Variants in PMEPA1 observed in about 807,000 individuals in gnomAD.
The protein encoded by PMEPA1 is protein TMEPAI.
A neutral mutation model predicts 23.0 loss-of-function variants in PMEPA1; 11 were observed. That is an observed-to-expected ratio of 0.48 (90% CI 0.30 to 0.79). The LOEUF (loss-of-function observed/expected upper bound fraction) is 0.79. Among genes scored for constraint, PMEPA1 ranks in the 30% least tolerant of loss-of-function variants. PMEPA1 has a pLI of 0.06. For missense variants in PMEPA1, 377 were observed against 390.9 expected (o/e 0.96, Z 0.30); for synonymous variants, 204 against 166.4 (o/e 1.23, Z -1.74).
intron 2 of PMEPA1, among the ~76,000 whole-genome samples, chr20:57,654,341 T>C (rs1025167679): frequency 8.5e-5 from 13 of 152,184 alleles, no homozygotes; most frequent in African/African-American, 3.1e-4. Context: ...AATGAGTATG[T>C]CCATCACCTC....
At chr20:57,658,358 C>T (rs2071356957) in intron 2 of PMEPA1, among the ~76,000 whole-genome samples, 1 of 152,174 alleles carries the variant, frequency 6.6e-6, no homozygotes, top group Non-Finnish European at 1.5e-5. Flanking sequence ...AGCAGCTCGC[C>T]CCAACTTCCT....
intron 2 of PMEPA1, among the ~76,000 whole-genome samples, chr20:57,653,732 G>A (rs1164677286): frequency 2.6e-5 from 4 of 152,184 alleles, no homozygotes; most frequent in East Asian, 3.9e-4. Context: ...TCCTTTACAC[G>A]GCAGGCCAGG....
intron 1 of PMEPA1, among the ~76,000 whole-genome samples, chr20:57,698,064 T>A (rs927549102): frequency 3.3e-5 from 5 of 152,210 alleles, no homozygotes; most frequent in African/African-American, 9.6e-5. Flanking sequence ...TCTGCATCTG[T>A]GGCTTATGAC....
At chr20:57,691,252 T>G (rs1439439461) in intron 1 of PMEPA1, among the ~76,000 whole-genome samples, 2 of 152,190 alleles carry the variant, frequency 1.3e-5, no homozygotes, top group Non-Finnish European at 2.9e-5. Context: ...GGTTCCTAAT[T>G]GTGCAAAATG....
Position 57,682,483 on chromosome 20 carries a change from C to T in PMEPA1, c.110-22786G>A, listed in dbSNP as rs930786089. On this transcript the variant is annotated intron_variant, in intron 1 of 3. Transcript: ENST00000341744. The surrounding 1 kb of genome is among the most constrained non-coding windows in gnomAD (Gnocchi z 4.4). ...CCTGGAGTGTCGGGGTCCTAGGCGC[C>T]GGCCCAGAGGAGTTTCAAAGTCAGC... 8.5e-5 allele frequency among the ~76,000 whole-genome samples: 13 copies of T among 152,284 alleles called. No homozygotes were observed. The highest frequency in any genetic ancestry group is 7.7e-4 in the East Asian group (4 of 5,180).
chr20:57,678,908 T>C (rs2071674044), intron 1 of PMEPA1, among the ~76,000 whole-genome samples: 1 of 152,180 alleles, frequency 6.6e-6, no homozygotes, highest in Non-Finnish European at 1.5e-5. Context: ...ACTACCACTG[T>C]ACCCCCAAGA....
intron 1 of PMEPA1, among the ~76,000 whole-genome samples, chr20:57,681,567 C>A (rs1476798294): frequency 6.6e-6 from 1 of 152,206 alleles, no homozygotes; most frequent in Non-Finnish European, 1.5e-5. Context: ...CTTAAAATAA[C>A]CAACTTTTTA....
chr20:57,702,658 C>T (rs1250678083), intron 1 of PMEPA1, among the ~76,000 whole-genome samples: 1 of 152,140 alleles, frequency 6.6e-6, no homozygotes. Context: ...GGTCAGGGAG[C>T]TTGCGTTTGA....
chr20:57,664,858 T>G (rs2071471678), intron 1 of PMEPA1, among the ~76,000 whole-genome samples: 1 of 152,238 alleles, frequency 6.6e-6, no homozygotes, highest in African/African-American at 2.4e-5. Flanking sequence ...GCTTCAGGAC[T>G]TCTGGCCAAG....
intron 1 of PMEPA1, among the ~76,000 whole-genome samples, chr20:57,663,730 C>G (rs2071454764): frequency 6.6e-6 from 1 of 152,216 alleles, no homozygotes. Flanking sequence ...GGCCGGAACC[C>G]AGACCCTCCT....
At chr20:57,660,959 GAC>G (rs993403468) in intron 1 of PMEPA1, among the ~76,000 whole-genome samples, 3 of 151,718 alleles carry the variant, frequency 2.0e-5, no homozygotes, top group African/African-American at 7.3e-5. Flanking sequence ...AACACACACA[GAC>G]ACAGCGCACC....
chr20:57,678,879 T>C, intron 1 of PMEPA1, among the ~76,000 whole-genome samples: 1 of 151,880 alleles, frequency 6.6e-6, no homozygotes, highest in Non-Finnish European at 1.5e-5. Flanking sequence ...AATCAAATAC[T>C]CCCAAAAGGA....
At chr20:57,664,773 T>A (rs2071470322) in intron 1 of PMEPA1, among the ~76,000 whole-genome samples, 1 of 152,202 alleles carries the variant, frequency 6.6e-6, no homozygotes, top group African/African-American at 2.4e-5. Context: ...GCTGTGGTCC[T>A]TTAAGGCTGG....
At chr20:57,684,811 A>G (rs774006055) in intron 1 of PMEPA1, among the ~76,000 whole-genome samples, 1 of 149,890 alleles carries the variant, frequency 6.7e-6, no homozygotes, top group Non-Finnish European at 1.5e-5. Context: ...TTGCCACAAA[A>G]GGAGGAGCTG....
chr20:57,685,531 G>T (rs765745486), intron 1 of PMEPA1, among the ~76,000 whole-genome samples: 1 of 152,252 alleles, frequency 6.6e-6, no homozygotes, highest in East Asian at 1.9e-4. Flanking sequence ...GGCCTAAAAC[G>T]ATTTGTCAGA....
At chr20:57,697,031 G>A (rs1428812102) in intron 1 of PMEPA1, among the ~76,000 whole-genome samples, 3 of 152,214 alleles carry the variant, frequency 2.0e-5, no homozygotes, top group African/African-American at 7.2e-5. Context: ...CCCGCTACAT[G>A]GTAGCTGAAG....
chr20:57,692,855 C>T (rs542223114), intron 1 of PMEPA1, among the ~76,000 whole-genome samples: 21 of 152,354 alleles, frequency 1.4e-4, no homozygotes, highest in African/African-American at 5.1e-4. Flanking sequence ...GAGCAGGGGG[C>T]TGCCTAAGTG....
rs1182656881 is a variant in PMEPA1, at chr20:57,655,276, G to A, written c.265-2190C>T. On this transcript the variant is annotated intron_variant, in intron 2 of 3. Transcript: ENST00000341744. This position sits in a 1 kb window ranked among gnomAD's most constrained non-coding sequence, Gnocchi z 4.2. Reference sequence around the variant, plus strand: ...TGGCCCCTCAAGCCTCTGCCCAGGTGTGCTAACCCCAGAGCTCTCCGTTAG... The same window carrying A: ...TGGCCCCTCAAGCCTCTGCCCAGGTATGCTAACCCCAGAGCTCTCCGTTAG... Among the ~76,000 whole-genome samples the A allele has an allele frequency of 6.6e-6, 1 of 152,090 alleles. No individual in the cohort carries two copies. The highest frequency in any genetic ancestry group is 1.5e-5 in the Non-Finnish European group (1 of 68,016).
intron 1 of PMEPA1, among the ~76,000 whole-genome samples, chr20:57,661,972 G>C (rs2071425874): frequency 6.6e-6 from 1 of 151,912 alleles, no homozygotes; most frequent in Non-Finnish European, 1.5e-5. Flanking sequence ...GTGTTTCTCA[G>C]CTGGGGCCGC....
Sources: gnomAD v4.1 joint callset for allele counts (sites outside exome capture counted in the v4.1 genomes callset) on GRCh38, gnomAD v4.1.1 for gene constraint, Gnocchi (gnomAD v3.1) non-coding constraint, MANE v1.5 for transcripts, NCBI Gene and HGNC (gene_info 2026-07-23, HGNC 2026-07-21) for gene names.